The following MUC3A variants were observed in gnomAD, a reference collection of about 807,000 sequenced individuals.
The protein encoded by MUC3A is mucin-3A.
Under a neutral mutation model 109.0 loss-of-function variants are expected in MUC3A, and 109 were observed. The ratio of observed to expected loss-of-function variants is 1.00; its 90% CI spans 0.86 to 1.17. The LOEUF (loss-of-function observed/expected upper bound fraction) is 1.17. MUC3A is among the 50% of genes most tolerant of loss of function. The pLI is 0.00. For synonymous variants in MUC3A, 1,398 were observed against 981.4 expected, an observed-to-expected ratio of 1.42 and a Z score of -7.93; for missense variants, 3,537 against 2,469.4, an observed-to-expected ratio of 1.43 and a Z score of -9.16.
In MUC3A at chr7:100,953,762, A is replaced by T; in HGVS notation, c.1983A>T (p.Thr661=). The change falls in exon 2 of 12, where the codon ACA becomes ACT. Residue 661 remains threonine, a synonymous_variant. Transcript: ENST00000379458. ...CTCCCACAACCACCAATTCTTTTACATCACTGACCAGTATGCCTCTGTCTT... is the reference window on the plus strand; with the variant it reads ...CTCCCACAACCACCAATTCTTTTACTTCACTGACCAGTATGCCTCTGTCTT... ...TSPPTTTNSF[T]SLTSMPLSST... 2.4e-6 allele frequency: 1 copy of T among 423,018 alleles called. No individual in the cohort carries two copies. The highest frequency in any genetic ancestry group is 4.2e-6 in the Non-Finnish European group (1 of 240,798). The allele number at this position is 423,018 out of a possible 1,614,324, so 26.2% of individuals were successfully genotyped here.
Position 100,966,428 on chromosome 7 carries a change from C to G in MUC3A, c.9654C>G (p.Cys3218Trp). 7.4e-7 allele frequency: 1 copy of G among 1,348,272 alleles called. No individual in the cohort carries two copies. The highest frequency in any genetic ancestry group is 9.5e-7 in the Non-Finnish European group (1 of 1,057,072). 83.5% of individuals were successfully genotyped at this position (1,348,272 alleles called of 1,614,324 possible). The change falls in exon 9 of 12, where the codon TGC becomes TGG. Residue 3218 changes from cysteine (C) to tryptophan (W), a missense_variant. Physicochemically the swap from Cys to Trp is radical, Grantham distance 215. Transcript: ENST00000379458. ...TDTHWFSGPR[C>W]EVAVHWRALV... is the part of the protein sequence containing the mutation. ...CGCACTGGTTCTCTGGCCCGCGCTG[C>G]GAGGTGGCCGTCCACTGGAGGGCGC... is the stretch of plus-strand genomic sequence containing the variant.
chr7:100,956,698 CAACTTTCACAAGT>C lies in MUC3A; in HGVS notation c.4921_4933del (p.Thr1641LeufsTer10). 2.4e-6 allele frequency: 1 copy of C among 414,452 alleles called. No individual in the cohort carries two copies. Among genetic ancestry groups the C allele is most frequent in the South Asian group, 1.0e-4 (1 of 9,888 alleles). The allele number at this position is 414,452 out of a possible 1,614,324, so 25.7% of individuals were successfully genotyped here. ...TCTGCTACCACTCCCAGTGGAGGAC[CAACTTTCACAAGT>C]ACTGAGAACACTCCAACAAGGTCCC... On this transcript the variant is annotated frameshift_variant, in exon 2 of 12. Coordinates refer to ENST00000379458, the MANE Select transcript of MUC3A (RefSeq NM_005960.2). LOFTEE classifies it high-confidence loss of function.
At position 100,959,464 on chromosome 7, in the gene MUC3A, C is replaced by G; in HGVS notation, c.7685C>G (p.Pro2562Arg). Residue 2562 changes from proline to arginine, a missense_variant, in exon 2 of 12, where the codon CCA becomes CGA. Physicochemically the swap from Pro to Arg is moderately radical, Grantham distance 103. Transcript: ENST00000379458. The stretch of plus-strand genomic sequence containing the variant: ...ACCCTCAGAATTACTGAGAACACCC[C>G]AATCAGTTCCTTTAGCACAAGTATT... ...RMTLRITENT[P>R]ISSFSTSIVV... 1 of 1,571,726 alleles carries G rather than the reference C, an allele frequency of 6.4e-7. No individual in the cohort carries two copies. Among genetic ancestry groups the G allele is most frequent in the South Asian group, 1.2e-5 (1 of 84,494 alleles).
rs1218989654 is a variant in MUC3A, at chr7:100,952,145, T to C, written c.366T>C (p.Tyr122=). The change falls in exon 2 of 12, where the codon TAT becomes TAC. Residue 122 remains tyrosine (Y), a synonymous_variant. Coordinates refer to ENST00000379458, the MANE Select transcript of MUC3A (RefSeq NM_005960.2). ...CCACTCCACCCACCGTGTTGGTCTATTCAGCCACCACTGAGTGCGTGTATC... is the reference window on the plus strand; with the variant it reads ...CCACTCCACCCACCGTGTTGGTCTACTCAGCCACCACTGAGTGCGTGTATC... ...VETTPPTVLV[Y]SATTECVYPT... The C allele has an allele frequency of 1.9e-6, 3 of 1,598,530 alleles. No homozygotes were observed. The highest frequency in any genetic ancestry group is 2.5e-6 in the Non-Finnish European group (3 of 1,179,746).
chr7:100,964,071 G>A (rs1792437055), intron 5 of MUC3A: 1 of 507,116 alleles, frequency 2.0e-6, no homozygotes, highest in Non-Finnish European at 3.5e-6. Flanking sequence ...TAGAAAGAGA[G>A]AGAGAGAAAG....
At chr7:100,951,336 G>A (rs951912960) in intron 1 of MUC3A, among the ~76,000 whole-genome samples, 18 of 152,296 alleles carry the variant, frequency 1.2e-4, no homozygotes, top group Non-Finnish European at 2.4e-4. Flanking sequence ...TTTGTGATGC[G>A]CCCCCTGCCA....
chr7:100,961,482 C>A (rs1255967305), intron 3 of MUC3A, among the ~76,000 whole-genome samples: 2 of 140,064 alleles, frequency 1.4e-5, no homozygotes, highest in African/African-American at 5.2e-5. Context: ...TGTTAAGGAC[C>A]CTTGTGATAA....
chr7:100,965,713 G>GC lies in MUC3A; in HGVS notation c.9460dup (p.Arg3154ProfsTer8). ...CCTCCCCAACCCCCAGCCATCTGCC[G>GC]CCGCGCCGCTCCCACGGGCTATGAA... On this transcript the variant is annotated frameshift_variant, in exon 8 of 12. Transcript: ENST00000379458. LOFTEE classifies it high-confidence loss of function. The GC allele has an allele frequency of 6.3e-7, 1 of 1,596,868 alleles. No individual in the cohort carries two copies. The highest frequency in any genetic ancestry group is 8.5e-7 in the Non-Finnish European group (1 of 1,178,750).
chr7:100,966,562 G>A lies in MUC3A; in HGVS notation c.9785+3G>A. ...TGGGGCGGCCAGCGCCGAGGCCGGT[G>A]AGCGTGCGGGGGGCGGGGCCGGGGG... On this transcript the variant is annotated splice_donor_region_variant and intron_variant, in intron 9 of 11. Transcript: ENST00000379458. The A allele has an allele frequency of 1.4e-6, 2 of 1,460,362 alleles. No individual in the cohort carries two copies. Among genetic ancestry groups the A allele is most frequent in the Non-Finnish European group, 1.8e-6 (2 of 1,113,972 alleles). 90.5% of individuals were successfully genotyped at this position (1,460,362 alleles called of 1,614,324 possible). A position where few individuals can be genotyped will look rare whatever the true frequency, so the allele number is the denominator to read the frequency against.
Position 100,965,011 on chromosome 7 carries a change from G to A in MUC3A, c.9382+168G>A, listed in dbSNP as rs1309979865. 23 of 1,193,042 alleles carry A rather than the reference G, an allele frequency of 1.9e-5. No individual in the cohort carries two copies. The South Asian group carries it at 2.5e-4, about 13-fold the overall frequency. 73.9% of individuals were successfully genotyped at this position (1,193,042 alleles called of 1,614,324 possible). ...CGGTGTCAAGGGTGGGGCTAGGGAGGGTCTCCCCGTGACCTCGGTACTGGG... is the reference window on the plus strand; with the variant it reads ...CGGTGTCAAGGGTGGGGCTAGGGAGAGTCTCCCCGTGACCTCGGTACTGGG... On this transcript the variant is annotated intron_variant, in intron 6 of 11. Coordinates refer to ENST00000379458, the MANE Select transcript of MUC3A (RefSeq NM_005960.2).
chr7:100,959,033 T>G lies in MUC3A; in HGVS notation c.7254T>G (p.Thr2418=), dbSNP rs76882759. The G allele has an allele frequency of 3.2e-6, 4 of 1,246,874 alleles. 1 individual carries two copies. The highest frequency in any genetic ancestry group is 4.0e-6 in the Non-Finnish European group (4 of 1,007,450). 77.2% of individuals were successfully genotyped at this position (1,246,874 alleles called of 1,614,324 possible). The part of the protein sequence containing the change: ...GLTSSITTTE[T]TSHSTPGFTS... Reference sequence around the variant, plus strand: ...CTTCTTCAATCACCACCACTGAGACTACCTCACACAGTACTCCTGGCTTCA... The same window carrying G: ...CTTCTTCAATCACCACCACTGAGACGACCTCACACAGTACTCCTGGCTTCA... Residue 2418 remains threonine, a synonymous_variant, in exon 2 of 12, where the codon ACT becomes ACG. Coordinates refer to ENST00000379458, the MANE Select transcript of MUC3A (RefSeq NM_005960.2).
intron 3 of MUC3A, among the ~76,000 whole-genome samples, chr7:100,962,668 T>C (rs1041901535): frequency 1.9e-5 from 1 of 51,844 alleles, no homozygotes; most frequent in Non-Finnish European, 3.4e-5. Context: ...TCTTTCTCTT[T>C]TCTTTTTTTC....
At position 100,966,672 on chromosome 7, in the gene MUC3A, A is replaced by T; in HGVS notation, c.9806A>T (p.Lys3269Ile). 5.6e-6 allele frequency: 9 copies of T among 1,598,546 alleles called. No homozygotes were observed. The highest frequency in any genetic ancestry group is 7.6e-6 in the Non-Finnish European group (9 of 1,179,826). Residue 3269 changes from lysine to isoleucine, a missense_variant, in exon 10 of 12, where the codon AAA becomes ATA. Lys to Ile is a moderately radical substitution (Grantham distance 102). Coordinates refer to ENST00000379458, the MANE Select transcript of MUC3A (RefSeq NM_005960.2). ...RRGRSWDQDR[K>I]WFETWDEEVV... ...CCTAGGTCCTGGGACCAGGACAGGA[A>T]ATGGTTCGAGACCTGGGATGAGGAA...
rs1792090380 is a variant in MUC3A at position 100,956,154 on chromosome 7, AC to A, written c.4376del (p.Thr1459AsnfsTer27). On this transcript the variant is annotated frameshift_variant, in exon 2 of 12. Coordinates refer to ENST00000379458, the MANE Select transcript of MUC3A (RefSeq NM_005960.2). LOFTEE classifies it high-confidence loss of function. Reference sequence around the variant, plus strand: ...CATTACCATCACCAGGTCTACACTTACATCTGAGACCGCCTACCCTAGTTCT... The same window carrying A: ...CATTACCATCACCAGGTCTACACTTAATCTGAGACCGCCTACCCTAGTTCT... ...LPITITRSTL[T>X]SETAYPSSPT... is the part of the protein sequence containing the mutation. 3 of 443,270 alleles carry A rather than the reference AC, an allele frequency of 6.8e-6. 1 individual carries two copies. Among genetic ancestry groups the A allele is most frequent in the Non-Finnish European group, 3.9e-6 (1 of 253,306 alleles). 27.5% of individuals were successfully genotyped at this position (443,270 alleles called of 1,614,324 possible).
chr7:100,955,039 A>T lies in MUC3A; in HGVS notation c.3260A>T (p.Tyr1087Phe). 1 of 592,982 alleles carries T rather than the reference A, an allele frequency of 1.7e-6. No individual in the cohort carries two copies. Among genetic ancestry groups the T allele is most frequent in the Non-Finnish European group, 3.0e-6 (1 of 333,740 alleles). 36.7% of individuals were successfully genotyped at this position (592,982 alleles called of 1,614,324 possible). Residue 1087 changes from tyrosine to phenylalanine, a missense_variant, in exon 2 of 12, where the codon TAC becomes TTC. Coordinates refer to ENST00000379458, the MANE Select transcript of MUC3A (RefSeq NM_005960.2). ...TCTACACCTACATCTGAGACCACCT[A>T]CCCTACTTCTCCCACCAGCATTGTC... ...TRSTPTSETT[Y>F]PTSPTSIVSD...
intron 6 of MUC3A, 117 bp from the exon 7 acceptor site, chr7:100,965,165 C>CCT: frequency 1.4e-6 from 2 of 1,452,994 alleles, no homozygotes; most frequent in Non-Finnish European, 9.3e-7. Flanking sequence ...AGGGCTCTCC[C>CCT]AGACGGAGAG....
At chr7:100,963,128 G>T in intron 3 of MUC3A, 23 bp from the exon 4 acceptor site, 1 of 1,595,582 alleles carries the variant, frequency 6.3e-7, no homozygotes, top group South Asian at 1.1e-5. Context: ...AGAAGTGACT[G>T]GGGACATGCA....
At chr7:100,951,413 G>C (rs944491804) in intron 1 of MUC3A, among the ~76,000 whole-genome samples, 6 of 151,880 alleles carry the variant, frequency 4.0e-5, no homozygotes, top group Admixed American at 1.3e-4. Flanking sequence ...GCAGGGTGCC[G>C]GGAGAAGCAG....
rs747864753 is a variant in MUC3A, at chr7:100,960,632, G to A, written c.8853G>A (p.Leu2951=). Reference sequence around the variant, plus strand: ...CTCAGATGACCACACAGTCCACGTTGACCACCACTGCAGGTTGGACCTTCT... The same window carrying A: ...CTCAGATGACCACACAGTCCACGTTAACCACCACTGCAGGTTGGACCTTCT... ...ITSQMTTQST[L]TTTAGTCDNG... is the part of the protein sequence containing the mutation. Residue 2951 remains leucine, a synonymous_variant, in exon 2 of 12, where the codon TTG becomes TTA. Transcript: ENST00000379458. 6.3e-7 allele frequency: 1 copy of A among 1,597,890 alleles called. No individual in the cohort carries two copies. Among genetic ancestry groups the A allele is most frequent in the Non-Finnish European group, 8.5e-7 (1 of 1,179,422 alleles).
Sources: allele counts gnomAD v4.1 joint callset (sites outside exome capture counted in the v4.1 genomes callset), GRCh38; gene constraint gnomAD v4.1.1; transcripts MANE v1.5; gene names NCBI Gene and HGNC (gene_info 2026-07-23, HGNC 2026-07-21).